Variants in SNX24 observed in about 807,000 individuals in gnomAD.
SNX24 encodes sorting nexin 24.
A neutral mutation model predicts 28.7 loss-of-function variants in SNX24; 22 were observed. The ratio of observed to expected loss-of-function variants is 0.77; its 90% confidence interval spans 0.55 to 1.10. The LOEUF is 1.10. Among genes scored for constraint, SNX24 ranks in the 50% least tolerant of loss-of-function variants. The pLI, the probability that SNX24 is intolerant of heterozygous loss-of-function variation, is 0.00. For synonymous variants in SNX24, 69 were observed against 71.5 expected (o/e 0.96, Z 0.18); for missense variants, 221 against 201.1 (o/e 1.10, Z -0.60).
At chr5:122,924,154 A>G (rs985927452) in intron 1 of SNX24, among the ~76,000 whole-genome samples, 6 of 152,226 alleles carry the variant, frequency 3.9e-5, no homozygotes, top group East Asian at 1.9e-4. Context: ...TAAACCTTAT[A>G]TGTGCTATGT....
chr5:122,873,815 G>A (rs1756096812), intron 1 of SNX24, among the ~76,000 whole-genome samples: 1 of 148,908 alleles, frequency 6.7e-6, no homozygotes, highest in Admixed American at 6.7e-5. Flanking sequence ...ACCCAGGCTG[G>A]AGTGCAATGG....
chr5:122,911,693 G>A (rs1348066836), intron 1 of SNX24, among the ~76,000 whole-genome samples: 8 of 132,376 alleles, frequency 6.0e-5, no homozygotes, highest in Non-Finnish European at 1.6e-5. Context: ...CATATGGCTA[G>A]CCAGTTTTCC....
At chr5:123,024,350 TATAAG>T in intron 5 of SNX24, among the ~76,000 whole-genome samples, 1 of 152,212 alleles carries the variant, frequency 6.6e-6, no homozygotes, top group Non-Finnish European at 1.5e-5. Context: ...ATTCACCTGG[TATAAG>T]CCAGCGTAAC....
chr5:122,845,622 G>C lies in SNX24; in HGVS notation c.-12G>C. 7.2e-7 allele frequency: 1 copy of C among 1,391,616 alleles called. No homozygotes were observed. Among genetic ancestry groups the C allele is most frequent in the Non-Finnish European group, 9.4e-7 (1 of 1,064,370 alleles). The allele number at this position is 1,391,616 out of a possible 1,614,324, so 86.2% of individuals were successfully genotyped here. On this transcript the variant is annotated 5_prime_UTR_variant, in exon 1 of 7. Coordinates refer to ENST00000261369, the MANE Select transcript of SNX24 (RefSeq NM_014035.4). Reference sequence around the variant, plus strand: ...CCCCCAACTCGCCCTCAGCCGGCTGGCCGGCGCGGCCATGGAGGTCTACAT... The same window carrying C: ...CCCCCAACTCGCCCTCAGCCGGCTGCCCGGCGCGGCCATGGAGGTCTACAT...
At position 123,002,246 on chromosome 5, in the gene SNX24, T is replaced by A. The variant is rs13164134; in HGVS notation, c.442+242T>A. 136,611 of 525,670 alleles carry A rather than the reference T, an allele frequency of 0.26. 20,590 individuals carry two copies. The highest frequency in any genetic ancestry group is 0.33 in the Non-Finnish European group (99,144 of 299,640). The allele number at this position is 525,670 out of a possible 1,614,324, so 32.6% of individuals were successfully genotyped here. On this transcript the variant is annotated intron_variant, in intron 6 of 6. Transcript: ENST00000261369. ...TTTGAATTAGAGTAATAAGGAAGAATGGTATTTATGGTCCTTAATTTTTCT... is the reference window on the plus strand; with the variant it reads ...TTTGAATTAGAGTAATAAGGAAGAAAGGTATTTATGGTCCTTAATTTTTCT...
chr5:123,006,281 T>TC, intron 6 of SNX24, among the ~76,000 whole-genome samples: 1 of 152,274 alleles, frequency 6.6e-6, no homozygotes, highest in East Asian at 1.9e-4. Context: ...CTGGGTCTTC[T>TC]CCCACCACCC....
chr5:122,987,848 A>C (rs1300404828), intron 3 of SNX24, among the ~76,000 whole-genome samples: 1 of 152,218 alleles, frequency 6.6e-6, no homozygotes, highest in Non-Finnish European at 1.5e-5. Context: ...ATGAGTTTGC[A>C]TACCAAGTCT....
chr5:122,888,237 G>A (rs1439259099), intron 1 of SNX24, among the ~76,000 whole-genome samples: 1 of 152,150 alleles, frequency 6.6e-6, no homozygotes, highest in Non-Finnish European at 1.5e-5. Flanking sequence ...TACTTGGAAT[G>A]TGAGTCTACC....
intron 1 of SNX24, among the ~76,000 whole-genome samples, chr5:122,917,783 T>C (rs1187467771): frequency 6.6e-6 from 1 of 152,188 alleles, no homozygotes; most frequent in Non-Finnish European, 1.5e-5. Context: ...TAGTAGGCAC[T>C]ATTTAAAATA....
chr5:122,902,505 C>G (rs1026537108), intron 1 of SNX24, among the ~76,000 whole-genome samples: 3 of 152,216 alleles, frequency 2.0e-5, no homozygotes, highest in Admixed American at 6.5e-5. Context: ...AGCATTTCCA[C>G]TTAACACCTC....
At chr5:122,928,428 G>A (rs759464401) in intron 1 of SNX24, among the ~76,000 whole-genome samples, 9 of 152,114 alleles carry the variant, frequency 5.9e-5, no homozygotes, top group Non-Finnish European at 1.3e-4. Flanking sequence ...AGATTTTCCT[G>A]GCTTATCTGG....
chr5:122,932,225 G>A (rs1464338053), intron 1 of SNX24, among the ~76,000 whole-genome samples: 1 of 152,134 alleles, frequency 6.6e-6, no homozygotes, highest in Non-Finnish European at 1.5e-5. Context: ...GTTTTGTTAT[G>A]CAAACCTGAA....
At chr5:122,895,051 T>C (rs1186077552) in intron 1 of SNX24, among the ~76,000 whole-genome samples, 2 of 150,424 alleles carry the variant, frequency 1.3e-5, no homozygotes, top group Non-Finnish European at 3.0e-5. Context: ...AAAGGTAAAA[T>C]ATAGGTTGGG....
At chr5:122,980,478 TAAAG>T (rs1215914882) in intron 3 of SNX24, among the ~76,000 whole-genome samples, 1 of 152,132 alleles carries the variant, frequency 6.6e-6, no homozygotes, top group Non-Finnish European at 1.5e-5. Context: ...ACTCTGGCAA[TAAAG>T]AGTTTGGGGT....
chr5:122,855,231 C>A (rs1755129262), intron 1 of SNX24, among the ~76,000 whole-genome samples: 1 of 152,078 alleles, frequency 6.6e-6, no homozygotes, highest in African/African-American at 2.4e-5. Flanking sequence ...GCCACTATGC[C>A]CGCCTAATTT....
chr5:122,977,352 A>G (rs1761208295), intron 3 of SNX24, among the ~76,000 whole-genome samples: 1 of 141,962 alleles, frequency 7.0e-6, no homozygotes, highest in South Asian at 2.3e-4. Flanking sequence ...TTCCCAATAC[A>G]TACACTTTCT....
chr5:122,913,788 A>G (rs1198701179), intron 1 of SNX24, among the ~76,000 whole-genome samples: 1 of 152,156 alleles, frequency 6.6e-6, no homozygotes, highest in Non-Finnish European at 1.5e-5. Context: ...TAGCGAGCCA[A>G]GATCACACCA....
intron 3 of SNX24, among the ~76,000 whole-genome samples, chr5:122,982,214 G>T (rs1476679378): frequency 1.3e-5 from 2 of 152,208 alleles, no homozygotes; most frequent in South Asian, 2.1e-4. Flanking sequence ...GGGCATGCCA[G>T]TGCTTCCTGT....
At chr5:122,893,665 C>G (rs185973837) in intron 1 of SNX24, among the ~76,000 whole-genome samples, 1 of 152,276 alleles carries the variant, frequency 6.6e-6, no homozygotes. Context: ...AATAAACTCA[C>G]TAAATAGAAT....
Sources: allele counts gnomAD v4.1 joint callset (sites outside exome capture counted in the v4.1 genomes callset), GRCh38; gene constraint gnomAD v4.1.1; transcripts MANE v1.5; gene names NCBI Gene and HGNC (gene_info 2026-07-23, HGNC 2026-07-21).